FAM47E: variants seen among roughly 807,000 people sequenced by gnomAD.
The protein encoded by FAM47E is family with sequence similarity 47 member E.
FAM47E carries 32 observed loss-of-function variants against 41.6 expected under a neutral mutation model. The ratio of observed to expected loss-of-function variants is 0.77; its 90% CI spans 0.58 to 1.03. The LOEUF (loss-of-function observed/expected upper bound fraction) is 1.03, where lower values mean the gene tolerates loss of function less well. Ranked by LOEUF, FAM47E falls within the 50% of genes least tolerant of loss-of-function variation. The probability of loss-of-function intolerance (pLI) is 0.00; values close to 1 mark genes in which losing one functional copy is unlikely to be tolerated. For synonymous variants in FAM47E, 184 were observed against 188.7 expected (o/e 0.98, Z 0.20); for missense variants, 424 against 485.4 (o/e 0.87, Z 1.19).
chr4:76,251,844 A>G (rs1733976333), intron 1 of FAM47E, 24 bp downstream of exon 1: 1 of 1,403,846 alleles, frequency 7.1e-7, no homozygotes, highest in Admixed American at 3.2e-5. Flanking sequence ...GCCCGGGCCG[A>G]GGGCGCATCC....
chr4:76,276,518 A>G (rs544386241), intron 5 of FAM47E, among the ~76,000 whole-genome samples: 56 of 152,184 alleles, frequency 3.7e-4, no homozygotes, highest in African/African-American at 1.3e-3. Context: ...GACTACAGGC[A>G]TGCGCCACCA....
intron 2 of FAM47E, among the ~76,000 whole-genome samples, chr4:76,231,564 T>C (rs1186689863): frequency 6.6e-6 from 1 of 152,240 alleles, no homozygotes; most frequent in Non-Finnish European, 1.5e-5. Context: ...AGGACTGAGT[T>C]GTTTGCAAAA....
intron 2 of FAM47E, among the ~76,000 whole-genome samples, chr4:76,221,585 G>A (rs1733308142): frequency 6.6e-6 from 1 of 152,104 alleles, no homozygotes; most frequent in South Asian, 2.1e-4. Context: ...TTTCTAAAGT[G>A]CTGGGATTAC....
intron 2 of FAM47E, among the ~76,000 whole-genome samples, chr4:76,244,122 T>A (rs1051941794): frequency 2.0e-5 from 3 of 152,246 alleles, no homozygotes; most frequent in Admixed American, 6.5e-5. Context: ...TGTACCACAT[T>A]TTCTTAATCC....
rs116619067 is a variant in FAM47E, at chr4:76,268,460, C to A, written c.561-200C>A. ...GCTATGTAAGTTTTAATTATTATAACTAATCATGATATACTTGTCTTTATG... is the reference window on the plus strand; with the variant it reads ...GCTATGTAAGTTTTAATTATTATAAATAATCATGATATACTTGTCTTTATG... On this transcript the variant is annotated intron_variant, in intron 3 of 7. Transcript: ENST00000424749. 3,658 of 512,456 alleles carry A rather than the reference C, an allele frequency of 7.1e-3. 107 individuals are homozygous for A. The highest frequency in any genetic ancestry group is 0.066 in the African/African-American group (3,301 of 50,238). The allele number at this position is 512,456 out of a possible 1,614,324, so 31.7% of individuals were successfully genotyped here.
In FAM47E at chr4:76,263,797, C is replaced by T; in HGVS notation, c.514C>T (p.Pro172Ser). 1 of 1,551,470 alleles carries T rather than the reference C, an allele frequency of 6.4e-7. No homozygotes were observed. The highest frequency in any genetic ancestry group is 1.4e-5 in the African/African-American group (1 of 73,114). Residue 172 changes from proline to serine, a missense_variant, in exon 3 of 8, where the codon CCC (proline) becomes TCC (serine). By Grantham distance (74) the Pro-to-Ser change is moderately conservative. Transcript: ENST00000424749. Reference protein sequence around the residue: ...CQDTRKGMKEPTKLLKKHSTQ... With the variant: ...CQDTRKGMKESTKLLKKHSTQ... Reference sequence around the variant, plus strand: ...GGACACCAGGAAAGGAATGAAGGAACCCACGAAGCTTTTAAAAAAACATTC... The same window carrying T: ...GGACACCAGGAAAGGAATGAAGGAATCCACGAAGCTTTTAAAAAAACATTC...
Position 76,271,753 on chromosome 4 carries a change from A to G in FAM47E, c.855A>G (p.Lys285=). The change falls in exon 5 of 8, where the codon AAA becomes AAG. Residue 285 remains lysine (K), a synonymous_variant. Transcript: ENST00000424749. The part of the protein sequence containing the change: ...EFFQKLGYER[K]LQKPQNPYKP... The stretch of plus-strand genomic sequence containing the variant: ...TCCAGAAACTAGGCTATGAGAGGAA[A>G]CTCCAGAAACCACAGGTAATTGCAG... 5 of 1,551,374 alleles carry G rather than the reference A, an allele frequency of 3.2e-6. No individual in the cohort carries two copies. The South Asian group carries it at 6.0e-5, about 18-fold the overall frequency.
rs139992433 is a variant in FAM47E, at chr4:76,272,437, A to G, written c.870+669A>G. The stretch of plus-strand genomic sequence containing the variant: ...CCCTTCCCTGAAAATGAAAAACAAT[A>G]TTTTATCTCTAATTGTCTTCTGCCT... On this transcript the variant is annotated intron_variant, in intron 5 of 7. Coordinates refer to ENST00000424749, the MANE Select transcript of FAM47E (RefSeq NM_001136570.3). 4.4e-3 allele frequency among the ~76,000 whole-genome samples: 670 copies of G among 152,294 alleles called. 2 individuals carry two copies. The highest frequency in any genetic ancestry group is 6.2e-3 in the Non-Finnish European group (424 of 68,012).
intron 2 of FAM47E, among the ~76,000 whole-genome samples, chr4:76,220,512 A>C (rs981540672): frequency 5.3e-5 from 8 of 152,200 alleles, no homozygotes; most frequent in Non-Finnish European, 1.0e-4. Context: ...CTATAGTCCC[A>C]GCTTACTTAT....
chr4:76,238,562 C>A (rs1161324890), intron 2 of FAM47E, among the ~76,000 whole-genome samples: 2 of 152,058 alleles, frequency 1.3e-5, no homozygotes. Flanking sequence ...GTAAAGGTAA[C>A]TATGAGTCCA....
chr4:76,282,438 C>T (rs971812240), intron 7 of FAM47E: 2 of 152,190 alleles, frequency 1.3e-5, no homozygotes, highest in Non-Finnish European at 2.9e-5. Flanking sequence ...CTATGAACAT[C>T]TGCTTTTCTG....
intron 2 of FAM47E, among the ~76,000 whole-genome samples, chr4:76,223,365 C>CCCA (rs1405950322): frequency 6.6e-6 from 1 of 152,082 alleles, no homozygotes; most frequent in Non-Finnish European, 1.5e-5. Context: ...GGTACAGTAG[C>CCCA]CCACCCCTTA....
chr4:76,283,224 C>CT (rs1735431615), intron 7 of FAM47E, 157 bp from the exon 8 acceptor site: 2 of 502,008 alleles, frequency 4.0e-6, no homozygotes, highest in African/African-American at 3.9e-5. Flanking sequence ...AGACCAACAT[C>CT]TATCATGGTC....
At chr4:76,228,713 A>G (rs1230520387) in intron 2 of FAM47E, among the ~76,000 whole-genome samples, 1 of 151,206 alleles carries the variant, frequency 6.6e-6, no homozygotes, top group African/African-American at 2.4e-5. Context: ...TCTGTTGAGA[A>G]ACCTGCTATT....
At chr4:76,236,674 G>A (rs1181588101) in intron 2 of FAM47E, 1 of 150,360 alleles carries the variant, frequency 6.7e-6, no homozygotes, top group Non-Finnish European at 1.5e-5. Flanking sequence ...GAAAGTGGTG[G>A]GGTAGGGTGG....
intron 2 of FAM47E, among the ~76,000 whole-genome samples, chr4:76,259,476 C>T (rs1578781291): frequency 6.6e-6 from 1 of 152,150 alleles, no homozygotes; most frequent in South Asian, 2.1e-4. Context: ...ACAATTCATG[C>T]CCCTGTTGGA....
intron 2 of FAM47E, among the ~76,000 whole-genome samples, chr4:76,238,378 A>C (rs992243613): frequency 6.6e-6 from 1 of 152,214 alleles, no homozygotes; most frequent in African/African-American, 2.4e-5. Flanking sequence ...CTTTCTAAAA[A>C]TATGAGTGTG....
chr4:76,227,799 T>A (rs2109983778), intron 2 of FAM47E, among the ~76,000 whole-genome samples: 1 of 152,368 alleles, frequency 6.6e-6, no homozygotes, highest in East Asian at 1.9e-4. Flanking sequence ...TTGTCTTTTC[T>A]AACTGTTGTT....
In FAM47E at chr4:76,256,358, G is replaced by A. The variant is rs1438116653; in HGVS notation, c.255G>A (p.Leu85=). 1.3e-6 allele frequency: 2 copies of A among 1,551,730 alleles called. No homozygotes were observed. The highest frequency in any genetic ancestry group is 8.7e-7 in the Non-Finnish European group (1 of 1,147,044). Residue 85 remains leucine, a synonymous_variant, in exon 2 of 8, where the codon CTG becomes CTA. Transcript: ENST00000424749. ...LPQIYHRAPQ[L]APKKRQIKLL... Reference sequence around the variant, plus strand: ...AGATTTATCACAGAGCTCCCCAACTGGCCCCAAAGAAGAGGCAGATCAAGC... The same window carrying A: ...AGATTTATCACAGAGCTCCCCAACTAGCCCCAAAGAAGAGGCAGATCAAGC...
Sources: gnomAD v4.1 joint callset for allele counts (sites outside exome capture counted in the v4.1 genomes callset) on GRCh38, gnomAD v4.1.1 for gene constraint, MANE v1.5 for transcripts, NCBI Gene and HGNC (gene_info 2026-07-23, HGNC 2026-07-21) for gene names.